PTPRM: variants seen among roughly 807,000 people sequenced by gnomAD.
PTPRM encodes receptor-type tyrosine-protein phosphatase mu.
PTPRM carries 47 observed loss-of-function variants against 186.7 expected under a neutral mutation model. The observed-to-expected ratio is 0.25, with a 90% CI of 0.20 to 0.32. PTPRM has a LOEUF of 0.32. PTPRM is among the 10% of genes least tolerant of loss of function. PTPRM has a pLI of 1.00. For synonymous variants in PTPRM, 668 were observed against 674.9 expected, an observed-to-expected ratio of 0.99 and a Z score of 0.16; for missense variants, 1,494 against 1,865.0, an observed-to-expected ratio of 0.80 and a Z score of 3.66.
chr18:7,871,383 G>A (rs1005690325), intron 2 of PTPRM, among the ~76,000 whole-genome samples: 1 of 152,126 alleles, frequency 6.6e-6, no homozygotes, highest in Non-Finnish European at 1.5e-5. Flanking sequence ...ACTTGCGTTA[G>A]CCATTGTTTT....
intron 29 of PTPRM, 32 bp from the exon 30 acceptor site, chr18:8,384,529 A>G (rs748782044): frequency 1.9e-6 from 3 of 1,612,492 alleles, no homozygotes; most frequent in Non-Finnish European, 2.5e-6. Context: ...TCCTCTTATA[A>G]CTAACCTTGT....
At chr18:8,160,438 C>T (rs903655513) in intron 14 of PTPRM, among the ~76,000 whole-genome samples, 53 of 152,130 alleles carry the variant, frequency 3.5e-4, no homozygotes, top group African/African-American at 1.2e-3. Flanking sequence ...TGCGCCACCA[C>T]GCCCAGAAAA....
At chr18:8,207,195 A>T (rs2093943388) in intron 14 of PTPRM, among the ~76,000 whole-genome samples, 1 of 152,188 alleles carries the variant, frequency 6.6e-6, no homozygotes, top group African/African-American at 2.4e-5. Flanking sequence ...GAAACTGTAG[A>T]GTTCAAAGGA....
intron 23 of PTPRM, among the ~76,000 whole-genome samples, chr18:8,358,834 G>A (rs531888705): frequency 2.0e-5 from 3 of 152,274 alleles, no homozygotes; most frequent in African/African-American, 7.2e-5. Context: ...AATTACAAAG[G>A]AACATGTAAG....
At chr18:8,076,211 A>C (rs1359173027) in intron 8 of PTPRM, among the ~76,000 whole-genome samples, 1 of 152,154 alleles carries the variant, frequency 6.6e-6, no homozygotes, top group African/African-American at 2.4e-5. Context: ...CGTTTATTTA[A>C]TAGATGGGAC....
At chr18:7,934,918 T>A (rs1043087472) in intron 5 of PTPRM, among the ~76,000 whole-genome samples, 7 of 152,192 alleles carry the variant, frequency 4.6e-5, no homozygotes, top group African/African-American at 1.7e-4. Flanking sequence ...ATAGCATTGA[T>A]CAGAATGTAC....
Position 7,567,787 on chromosome 18 carries a change from G to A in PTPRM, c.-32G>A, listed in dbSNP as rs1253452654. 3 of 1,511,146 alleles carry A rather than the reference G, an allele frequency of 2.0e-6. No individual in the cohort carries two copies. The highest frequency in any genetic ancestry group is 2.6e-6 in the Non-Finnish European group (3 of 1,136,716). 93.6% of individuals were successfully genotyped at this position (1,511,146 alleles called of 1,614,324 possible). Reference sequence around the variant, plus strand: ...CGCCCTCGCGCGCCCACCCACCGCCGCCGGGGAGCGGCCCGGCCCGCACTC... The same window carrying A: ...CGCCCTCGCGCGCCCACCCACCGCCACCGGGGAGCGGCCCGGCCCGCACTC... On this transcript the variant is annotated 5_prime_UTR_variant, in exon 1 of 33. Transcript: ENST00000580170. The surrounding 1 kb of genome is among the most constrained non-coding windows in gnomAD (Gnocchi z 4.3).
rs555253219 is a variant in PTPRM, at chr18:8,401,223, TG to T, written c.4345-4884del. Among the ~76,000 whole-genome samples, 6 of 152,294 alleles carry T rather than the reference TG, an allele frequency of 3.9e-5. No homozygotes were observed. In the East Asian group the frequency reaches 1.2e-3, roughly 29 times the overall value. ...GCCCTCTCCAACCTAGGGGAGGTTG[TG>T]GCTGTGCTCAGCAGGGCCTCAATAA... On this transcript the variant is annotated intron_variant, in intron 32 of 32. Transcript: ENST00000580170.
intron 29 of PTPRM, among the ~76,000 whole-genome samples, chr18:8,381,376 A>G (rs80314294): frequency 6.6e-6 from 1 of 152,070 alleles, no homozygotes; most frequent in African/African-American, 2.4e-5. Context: ...AAAAAAAAAA[A>G]AAAGTCTGAA....
chr18:7,768,221 C>T (rs193054954), intron 1 of PTPRM, among the ~76,000 whole-genome samples: 9 of 152,218 alleles, frequency 5.9e-5, no homozygotes, highest in East Asian at 5.8e-4. Flanking sequence ...GTAGGATCTG[C>T]GCATGGTGGC....
At chr18:7,709,780 G>T (rs529382478) in intron 1 of PTPRM, among the ~76,000 whole-genome samples, 2 of 152,112 alleles carry the variant, frequency 1.3e-5, no homozygotes, top group Non-Finnish European at 2.9e-5. Context: ...ATACCTTTAT[G>T]TGCACAAACT....
intron 1 of PTPRM, among the ~76,000 whole-genome samples, chr18:7,631,034 G>A (rs1010356766): frequency 6.6e-6 from 1 of 152,092 alleles, no homozygotes; most frequent in Non-Finnish European, 1.5e-5. Context: ...CAGAGATCCC[G>A]GGGACTACCG....
At chr18:8,317,882 A>G (rs141772091) in intron 21 of PTPRM, among the ~76,000 whole-genome samples, 2 of 152,298 alleles carry the variant, frequency 1.3e-5, no homozygotes, top group Non-Finnish European at 2.9e-5. Context: ...AGTATGGATA[A>G]GTCAAGCAAG....
intron 14 of PTPRM, among the ~76,000 whole-genome samples, chr18:8,205,796 T>C (rs1056672565): frequency 1.1e-4 from 16 of 152,184 alleles, no homozygotes; most frequent in African/African-American, 3.9e-4. Flanking sequence ...TTTTATTATC[T>C]GAGAGTTGTT....
intron 3 of PTPRM, among the ~76,000 whole-genome samples, chr18:7,898,894 T>C (rs2049511813): frequency 6.6e-6 from 1 of 152,236 alleles, no homozygotes; most frequent in Non-Finnish European, 1.5e-5. Context: ...GAACTACTTC[T>C]ATAGGAAATA....
At position 8,241,651 on chromosome 18, in the gene PTPRM, C is replaced by G. The variant is rs192481185; in HGVS notation, c.2301-2407C>G. Among the ~76,000 whole-genome samples the G allele has an allele frequency of 4.2e-3, 643 of 152,316 alleles. 2 individuals carry two copies. Among genetic ancestry groups the G allele is most frequent in the Non-Finnish European group, 7.3e-3 (498 of 68,034 alleles). ...GCTGAGTTACTGTTCCCCTCCAGCT[C>G]TCCACAACCCTTTATTGTCTTACAC... On this transcript the variant is annotated intron_variant, in intron 14 of 32. Coordinates refer to ENST00000580170, the MANE Select transcript of PTPRM (RefSeq NM_001105244.2).
At chr18:8,049,710 G>GT (rs371227331) in intron 7 of PTPRM, among the ~76,000 whole-genome samples, 90,665 of 145,876 alleles carry the variant, frequency 0.62, 28,038 homozygotes, top group African/African-American at 0.65. Context: ...AGTCTGTGAG[G>GT]TTTTTTTTTT....
Position 7,949,172 on chromosome 18 carries a change from T to A in PTPRM, c.664-9T>A, listed in dbSNP as rs373902112. 3.1e-6 allele frequency: 5 copies of A among 1,589,682 alleles called. No homozygotes were observed. In the East Asian group the frequency reaches 1.1e-4, roughly 36 times the overall value. On this transcript the variant is annotated splice_polypyrimidine_tract_variant and intron_variant, in intron 5 of 32. Coordinates refer to ENST00000580170, the MANE Select transcript of PTPRM (RefSeq NM_001105244.2). ...CTTCTTTTTGTCCTCCCCACCCCAC[T>A]TGATACAGGGCATTGATGTGCGAGA...
At chr18:7,818,621 A>G (rs746176289) in intron 2 of PTPRM, among the ~76,000 whole-genome samples, 8 of 152,202 alleles carry the variant, frequency 5.3e-5, no homozygotes, top group Non-Finnish European at 1.0e-4. Context: ...TTTAGTAGCT[A>G]TGATATCTTG....
Sources: gnomAD v4.1 joint callset for allele counts (sites outside exome capture counted in the v4.1 genomes callset) on GRCh38, gnomAD v4.1.1 for gene constraint, Gnocchi (gnomAD v3.1) non-coding constraint, MANE v1.5 for transcripts, NCBI Gene and HGNC (gene_info 2026-07-23, HGNC 2026-07-21) for gene names.